The following DYNC1H1 variants were observed in gnomAD, a reference collection of about 807,000 sequenced individuals.
DYNC1H1 encodes dynein cytoplasmic 1 heavy chain 1.
Under a neutral mutation model 527.1 loss-of-function variants are expected in DYNC1H1, and 51 were observed. The observed-to-expected ratio is 0.10, with a 90% CI of 0.08 to 0.12. The LOEUF is 0.12. Ranked by LOEUF, DYNC1H1 falls within the 10% of genes least tolerant of loss-of-function variation. The pLI is 1.00. For missense variants in DYNC1H1, 2,771 were observed against 5,971.8 expected, an observed-to-expected ratio of 0.46 and a Z score of 17.66; for synonymous variants, 2,189 against 2,278.8, an observed-to-expected ratio of 0.96 and a Z score of 1.12.
At chr14:102,035,452 G>GAATC (rs1185685510) in intron 56 of DYNC1H1, 1 of 152,282 alleles carries the variant, frequency 6.6e-6, no homozygotes, top group Non-Finnish European at 1.5e-5. Context: ...GCAAGAGTAT[G>GAATC]AATCAATCAG....
chr14:102,030,520 G>T, intron 51 of DYNC1H1: 2 of 529,226 alleles, frequency 3.8e-6, no homozygotes, highest in Non-Finnish European at 6.7e-6. Flanking sequence ...TCTCATAAAA[G>T]AAACTTCACA....
At chr14:102,034,475 G>C in intron 56 of DYNC1H1, 23 bp downstream of exon 56, 3 of 1,612,340 alleles carry the variant, frequency 1.9e-6, no homozygotes, top group Non-Finnish European at 8.5e-7. Flanking sequence ...GTGCCAAGGA[G>C]AGGCATGGGA....
At chr14:101,969,081 G>C (rs530149201) in intron 1 of DYNC1H1, among the ~76,000 whole-genome samples, 1 of 151,594 alleles carries the variant, frequency 6.6e-6, no homozygotes, top group East Asian at 1.9e-4. Flanking sequence ...GCAGTGGCAC[G>C]ATCTCAGCTC....
intron 11 of DYNC1H1, 29 bp downstream of exon 11, chr14:101,991,702 C>A: frequency 6.2e-7 from 1 of 1,614,024 alleles, no homozygotes. Flanking sequence ...GAGGCACACG[C>A]CTCTGACCAG....
In DYNC1H1 at chr14:101,991,771, ATGT is replaced by A. The variant is rs916089400; in HGVS notation, c.3015+103_3015+105del. On this transcript the variant is annotated intron_variant, in intron 11 of 77. Coordinates refer to ENST00000360184, the MANE Select transcript of DYNC1H1 (RefSeq NM_001376.5). The stretch of plus-strand genomic sequence containing the variant: ...TGGTGCTTCTTTAGATAAGCTCTTG[ATGT>A]TGTTTACAAACTCCAGACATCCCAG... 6.2e-5 allele frequency: 96 copies of A among 1,546,168 alleles called. No homozygotes were observed. The Admixed American group carries it at 9.1e-4, about 15-fold the overall frequency.
At chr14:101,996,275 G>A (rs907488506) in intron 15 of DYNC1H1, among the ~76,000 whole-genome samples, 5 of 150,734 alleles carry the variant, frequency 3.3e-5, no homozygotes, top group African/African-American at 4.9e-5. Context: ...AATTACAGGC[G>A]CCCACCACCA....
At chr14:102,028,367 T>G in intron 48 of DYNC1H1, 2 of 461,242 alleles carry the variant, frequency 4.3e-6, no homozygotes, top group South Asian at 2.0e-5. Context: ...CAAAGAAAAT[T>G]AGCCGGGCAT....
rs1566997970 is a variant in DYNC1H1 at position 101,983,658 on chromosome 14, G to GT, written c.1461+55dup. On this transcript the variant is annotated intron_variant, in intron 7 of 77. Coordinates refer to ENST00000360184, the MANE Select transcript of DYNC1H1 (RefSeq NM_001376.5). The surrounding 1 kb of genome is among the most constrained non-coding windows in gnomAD (Gnocchi z 5.3). ...TGTGTTTTGTTTTTGTTTTTGTTTT[G>GT]TTTTTTGTTTGGTGTTTTTTTTTTG... 6.4e-7 allele frequency: 1 copy of GT among 1,565,368 alleles called. No homozygotes were observed. The highest frequency in any genetic ancestry group is 1.4e-5 in the African/African-American group (1 of 72,382).
rs1421131384 is a variant in DYNC1H1 at position 101,967,516 on chromosome 14, C to A, written c.256+2569C>A. ...TTTATTTGTTTGTTTGTTTTAGCTA[C>A]CCCAGCTAGCCATAAACTTTTGTTG... On this transcript the variant is annotated intron_variant, in intron 1 of 77. Transcript: ENST00000360184. Among the ~76,000 whole-genome samples the A allele has an allele frequency of 2.0e-5, 3 of 152,064 alleles. No homozygotes were observed. In the East Asian group the frequency reaches 5.8e-4, roughly 29 times the overall value.
At position 101,987,778 on chromosome 14, in the gene DYNC1H1, A is replaced by G. The variant is rs12891749; in HGVS notation, c.2718+146A>G. 0.14 allele frequency: 138,229 copies of G among 982,666 alleles called. 12,520 individuals carry two copies. The highest frequency in any genetic ancestry group is 0.36 in the African/African-American group (22,009 of 61,890). 60.9% of individuals were successfully genotyped at this position (982,666 alleles called of 1,614,324 possible). ...CCTCCAAAATCTCATTTAACTAGTG[A>G]TAGAACTGAATTGTGGCCAGGCACA... On this transcript the variant is annotated intron_variant, in intron 9 of 77. Transcript: ENST00000360184.
At chr14:101,987,844 G>A (rs921900535) in intron 9 of DYNC1H1, among the ~76,000 whole-genome samples, 5 of 152,248 alleles carry the variant, frequency 3.3e-5, no homozygotes, top group African/African-American at 4.8e-5. Flanking sequence ...TTGAGAGGCC[G>A]AGGCAGGCAG....
At chr14:102,031,387 G>A (rs986261831) in intron 51 of DYNC1H1, among the ~76,000 whole-genome samples, 1 of 151,834 alleles carries the variant, frequency 6.6e-6, no homozygotes, top group Non-Finnish European at 1.5e-5. Context: ...GGTGCGCGCC[G>A]CCACACCCAG....
At position 102,036,772 on chromosome 14, in the gene DYNC1H1, G is replaced by A. The variant is rs2048580206; in HGVS notation, c.10908+130G>A. 8 of 1,225,308 alleles carry A rather than the reference G, an allele frequency of 6.5e-6. No individual in the cohort carries two copies. The highest frequency in any genetic ancestry group is 4.5e-5 in the African/African-American group (3 of 66,996). The allele number at this position is 1,225,308 out of a possible 1,614,324, so 75.9% of individuals were successfully genotyped here. On this transcript the variant is annotated intron_variant, in intron 57 of 77. Coordinates refer to ENST00000360184, the MANE Select transcript of DYNC1H1 (RefSeq NM_001376.5). This position sits in a 1 kb window ranked among gnomAD's most constrained non-coding sequence, Gnocchi z 5.6. ...AAGGATAAAGCTTTGCGGTGGTTCT[G>A]TAATAGATAAATTCAACAGAATCAT...
Position 102,039,502 on chromosome 14 carries a change from G to C in DYNC1H1, c.11551G>C (p.Asp3851His). The C allele has an allele frequency of 6.2e-7, 1 of 1,614,194 alleles. No homozygotes were observed. The highest frequency in any genetic ancestry group is 8.5e-7 in the Non-Finnish European group (1 of 1,180,034). The change falls in exon 61 of 78, where the codon GAC becomes CAC. Residue 3851 changes from aspartate to histidine, a missense_variant. Physicochemically the swap from Asp to His is moderately conservative, Grantham distance 81. This residue lies in a region of DYNC1H1 where 283 missense variants were observed against 737.6 expected (regional missense o/e 0.38). Transcript: ENST00000360184. The surrounding 1 kb of genome is among the most constrained non-coding windows in gnomAD (Gnocchi z 7.0). ...GAACCCGAACCTGAAGGGTGTCACCGACCACACACAGCGCCTGTCCATTAT... is the reference window on the plus strand; with the variant it reads ...GAACCCGAACCTGAAGGGTGTCACCCACCACACACAGCGCCTGTCCATTAT... Reference protein sequence around the residue: ...YENPNLKGVTDHTQRLSIITK... With the variant: ...YENPNLKGVTHHTQRLSIITK...
In DYNC1H1 at chr14:102,005,371, T is replaced by C; in HGVS notation, c.5433+135T>C. ...CAGTGGATGGTGTATGGATATCCTC[T>C]GAGGGTGGGCATTTGGCTCCCTGTC... On this transcript the variant is annotated intron_variant, in intron 26 of 77. Coordinates refer to ENST00000360184, the MANE Select transcript of DYNC1H1 (RefSeq NM_001376.5). The surrounding 1 kb of genome is among the most constrained non-coding windows in gnomAD (Gnocchi z 4.0). 1.6e-6 allele frequency: 2 copies of C among 1,250,936 alleles called. No homozygotes were observed. Among genetic ancestry groups the C allele is most frequent in the Non-Finnish European group, 2.3e-6 (2 of 864,524 alleles). 77.5% of individuals were successfully genotyped at this position (1,250,936 alleles called of 1,614,324 possible). A position where few individuals can be genotyped will look rare whatever the true frequency, so the allele number is the denominator to read the frequency against.
rs2048662282 is a variant in DYNC1H1 at position 102,042,356 on chromosome 14, C to T, written c.12276-28C>T. 9 of 1,614,192 alleles carry T rather than the reference C, an allele frequency of 5.6e-6. No individual in the cohort carries two copies. The East Asian group carries it at 2.0e-4, about 36-fold the overall frequency. On this transcript the variant is annotated intron_variant, in intron 67 of 77. Transcript: ENST00000360184. This position sits in a 1 kb window ranked among gnomAD's most constrained non-coding sequence, Gnocchi z 5.7. Reference sequence around the variant, plus strand: ...GCATTCAGGCAGGCAGCCTGGCATGCTGTGTGACTCTCACTTTGTGTGTGC... The same window carrying T: ...GCATTCAGGCAGGCAGCCTGGCATGTTGTGTGACTCTCACTTTGTGTGTGC...
chr14:101,974,155 A>C (rs1490078074), intron 1 of DYNC1H1, among the ~76,000 whole-genome samples: 1 of 152,136 alleles, frequency 6.6e-6, no homozygotes, highest in East Asian at 1.9e-4. Context: ...GCTGGAGTGC[A>C]ATGGCGTGAT....
intron 2 of DYNC1H1, among the ~76,000 whole-genome samples, chr14:101,978,278 C>T (rs534390031): frequency 4.6e-5 from 7 of 152,252 alleles, no homozygotes; most frequent in Admixed American, 3.9e-4. Flanking sequence ...TTGAAGTTAT[C>T]CGCCTGCCTC....
chr14:102,030,246 G>A lies in DYNC1H1; in HGVS notation c.9847G>A (p.Asp3283Asn). ...ACAGATGAGTGTCAAAGAAGATCTT[G>A]ATAAGGTGGAACCTGCCGTCATTGA... The part of the protein sequence containing the change: ...DKQMSVKEDL[D>N]KVEPAVIEAQ... Residue 3283 changes from aspartate to asparagine, a missense_variant, in exon 51 of 78, where the codon GAT (aspartate) becomes AAT (asparagine). Around this residue, in one of 32 missense-constraint regions of DYNC1H1, gnomAD observed 30 missense variants for 117.8 expected, o/e 0.25. Coordinates refer to ENST00000360184, the MANE Select transcript of DYNC1H1 (RefSeq NM_001376.5). 6.2e-7 allele frequency: 1 copy of A among 1,614,176 alleles called. No individual in the cohort carries two copies. The highest frequency in any genetic ancestry group is 8.5e-7 in the Non-Finnish European group (1 of 1,180,036).
Sources: allele counts gnomAD v4.1 joint callset (sites outside exome capture counted in the v4.1 genomes callset), GRCh38; gene constraint gnomAD v4.1.1; regional missense constraint gnomAD v4.1.1; non-coding constraint Gnocchi (gnomAD v3.1); transcripts MANE v1.5; gene names NCBI Gene and HGNC (gene_info 2026-07-23, HGNC 2026-07-21).